Variants in RNF14 observed in about 807,000 individuals in gnomAD.
The protein encoded by RNF14 is ring finger protein 14.
In RNF14, 26 loss-of-function variants were observed where a neutral mutation model predicts 52.6. The ratio of observed to expected loss-of-function variants is 0.49; its 90% CI spans 0.36 to 0.69. The LOEUF (loss-of-function observed/expected upper bound fraction) is 0.69, where lower values mean the gene tolerates loss of function less well. Ranked by LOEUF, RNF14 falls within the 30% of genes least tolerant of loss-of-function variation. The pLI, the probability that RNF14 is intolerant of heterozygous loss-of-function variation, is 0.00. For missense variants in RNF14, 404 were observed against 560.4 expected (o/e 0.72, Z 2.82); for synonymous variants, 194 against 202.0 (o/e 0.96, Z 0.34).
the RNF14 span, chr5:141,951,482 G>T: frequency 6.2e-7 from 1 of 1,610,234 alleles, no homozygotes; most frequent in Non-Finnish European, 8.5e-7. Flanking sequence ...TGGGGGCTAC[G>T]TGCTGCTTAC....
chr5:141,951,606 A>G, the RNF14 span: 1 of 1,593,798 alleles, frequency 6.3e-7, no homozygotes, highest in Admixed American at 1.7e-5. Flanking sequence ...AGACAGGAAA[A>G]ATCTGTTGAC....
rs1317478538 is a variant in RNF14, at chr5:141,987,750, A to C, written c.1385A>C (p.Asp462Ala). 6.2e-7 allele frequency: 1 copy of C among 1,613,902 alleles called. No individual in the cohort carries two copies. Among genetic ancestry groups the C allele is most frequent in the African/African-American group, 1.3e-5 (1 of 74,926 alleles). ...GCTTCCAGGCTGTTTTATGCTGTGG[A>C]TGTTGACGACGATATTTGGGAAGAT... is the stretch of plus-strand genomic sequence containing the variant. ...PCFNRLFYAV[D>A]VDDDIWEDEV... The change falls in exon 9 of 9, where the codon GAT becomes GCT. Residue 462 changes from aspartate to alanine, a missense_variant. Transcript: ENST00000394520.
Position 141,989,206 on chromosome 5 carries a change from T to C in RNF14, c.*1416T>C, listed in dbSNP as rs1361039699. ...TAATTAGAACAGAGTTGCTGCTATT[T>C]GTTCTGTCACCAAGGCAACTAATCA... On this transcript the variant is annotated 3_prime_UTR_variant, in exon 9 of 9. Coordinates refer to ENST00000394520, the MANE Select transcript of RNF14 (RefSeq NM_004290.5). 1 of 152,326 alleles carries C rather than the reference T, an allele frequency of 6.6e-6. No individual in the cohort carries two copies. The highest frequency in any genetic ancestry group is 1.9e-4 in the East Asian group (1 of 5,342). 9.4% of individuals were successfully genotyped at this position (152,326 alleles called of 1,614,324 possible).
upstream of RNF14, chr5:141,957,152 C>T (rs1054991303): frequency 1.1e-5 from 17 of 1,614,044 alleles, no homozygotes; most frequent in African/African-American, 5.3e-5. This position sits in a 1 kb window ranked among gnomAD's most constrained non-coding sequence, Gnocchi z 4.3. Flanking sequence ...GAGTCCAAGA[C>T]GTTGACCTTG....
At chr5:141,953,826 G>A (rs182706989), upstream of RNF14, among the ~76,000 whole-genome samples, 1 of 152,362 alleles carries the variant, frequency 6.6e-6, no homozygotes, top group East Asian at 1.9e-4. Flanking sequence ...GTGGCTTCCT[G>A]AGGAGGGAAT....
the RNF14 span, chr5:141,949,653 A>C: frequency 6.5e-7 from 1 of 1,545,088 alleles, no homozygotes; most frequent in African/African-American, 1.4e-5. Context: ...ATGCCCATTC[A>C]TGTTTGCATT....
rs775211771 is a variant in RNF14, at chr5:141,978,421, C to T, written c.425C>T (p.Ser142Phe). Residue 142 changes from serine (S) to phenylalanine (F), a missense_variant, in exon 5 of 9, where the codon TCT becomes TTT. Transcript: ENST00000394520. The stretch of plus-strand genomic sequence containing the variant: ...ACCCTAGCATACTTGAATATTGTCT[C>T]TCCTTTTGAGCTCAAGATTGGTTCT... ...EETLAYLNIV[S>F]PFELKIGSQK... is the part of the protein sequence containing the mutation. 6.2e-7 allele frequency: 1 copy of T among 1,614,212 alleles called. No individual in the cohort carries two copies. The highest frequency in any genetic ancestry group is 1.7e-5 in the Admixed American group (1 of 60,020).
At chr5:141,953,121 C>T in the RNF14 span, 1 of 152,242 alleles carries the variant, frequency 6.6e-6, no homozygotes, top group African/African-American at 2.4e-5. Context: ...ATGCCAAGCC[C>T]TATGCTGAGC....
chr5:141,978,318 A>C lies in RNF14; in HGVS notation c.322A>C (p.Lys108Gln). 1 of 1,601,426 alleles carries C rather than the reference A, an allele frequency of 6.2e-7. No homozygotes were observed. Among genetic ancestry groups the C allele is most frequent in the Non-Finnish European group, 8.5e-7 (1 of 1,172,292 alleles). The change falls in exon 5 of 9, where the codon AAG (lysine) becomes CAG (glutamine). Residue 108 changes from lysine (K) to glutamine (Q), a missense_variant. Coordinates refer to ENST00000394520, the MANE Select transcript of RNF14 (RefSeq NM_004290.5). Reference sequence around the variant, plus strand: ...TTTCTCCTAGCTATCTGCTCTATGCAAGCACTTAGACAACCTATGGGAAGA... The same window carrying C: ...TTTCTCCTAGCTATCTGCTCTATGCCAGCACTTAGACAACCTATGGGAAGA... ...LSPTQLSALC[K>Q]HLDNLWEEHR...
Position 141,970,771 on chromosome 5 carries a change from T to C in RNF14, c.-113T>C, listed in dbSNP as rs1185409894. 6.6e-6 allele frequency: 1 copy of C among 152,362 alleles called. No homozygotes were observed. Among genetic ancestry groups the C allele is most frequent in the East Asian group, 1.9e-4 (1 of 5,334 alleles). The allele number at this position is 152,362 out of a possible 1,614,324, so 9.4% of individuals were successfully genotyped here. On this transcript the variant is annotated 5_prime_UTR_variant, in exon 2 of 9. Transcript: ENST00000394520. ...TTGGCCTCTTACCCAGCTTCAGCAGTCTCAGCTCCACCAGTTAGAGAATAA... is the reference window on the plus strand; with the variant it reads ...TTGGCCTCTTACCCAGCTTCAGCAGCCTCAGCTCCACCAGTTAGAGAATAA...
upstream of RNF14, among the ~76,000 whole-genome samples, chr5:141,953,996 C>G (rs918879476): frequency 1.3e-5 from 2 of 152,178 alleles, no homozygotes; most frequent in African/African-American, 2.4e-5. Flanking sequence ...AAAGGTTTCC[C>G]CACTTGTGTC....
rs750947038 is a variant in RNF14 at position 141,980,166 on chromosome 5, G to A, written c.878G>A (p.Arg293His). ...VEAELFARYD[R>H]LLLQSSLDLM... Reference sequence around the variant, plus strand: ...GCAGAGTTATTTGCCCGTTATGACCGCCTTCTCCTCCAGTCCTCCTTGGAC... The same window carrying A: ...GCAGAGTTATTTGCCCGTTATGACCACCTTCTCCTCCAGTCCTCCTTGGAC... Residue 293 changes from arginine to histidine, a missense_variant, in exon 6 of 9, where the codon CGC becomes CAC. By Grantham distance (29) the Arg-to-His change is conservative (BLOSUM62 0). Transcript: ENST00000394520. The A allele has an allele frequency of 3.7e-6, 6 of 1,614,040 alleles. No individual in the cohort carries two copies. Among genetic ancestry groups the A allele is most frequent in the East Asian group, 2.2e-5 (1 of 44,882 alleles).
chr5:141,967,371 CATGA>C (rs963567106), upstream of RNF14, among the ~76,000 whole-genome samples: 2 of 152,224 alleles, frequency 1.3e-5, no homozygotes, highest in African/African-American at 4.8e-5. Context: ...TATTTGATTA[CATGA>C]GTAAGTTCTT....
chr5:141,949,403 G>A, the RNF14 span: 1 of 1,595,914 alleles, frequency 6.3e-7, no homozygotes, highest in South Asian at 1.1e-5. Context: ...GGCAGAAGCA[G>A]GGTCAAGGTA....
At chr5:141,967,686 A>G (rs896414515), upstream of RNF14, among the ~76,000 whole-genome samples, 1 of 152,298 alleles carries the variant, frequency 6.6e-6, no homozygotes, top group Admixed American at 6.5e-5. Context: ...ACTCTTTTGG[A>G]GGAAGAAATA....
In RNF14 at chr5:141,983,499, G is replaced by A. The variant is rs747011186; in HGVS notation, c.1183G>A (p.Glu395Lys). 16 of 1,612,724 alleles carry A rather than the reference G, an allele frequency of 9.9e-6. No homozygotes were observed. The South Asian group carries it at 1.3e-4, about 13-fold the overall frequency. Residue 395 changes from glutamate (E) to lysine (K), a missense_variant, in exon 7 of 9, where the codon GAG becomes AAG. Glu to Lys is a moderately conservative substitution (Grantham distance 56). Coordinates refer to ENST00000394520, the MANE Select transcript of RNF14 (RefSeq NM_004290.5). ...QKALEEMESKEWLEKNSKSCP... is the reference protein window; with the variant it reads ...QKALEEMESKKWLEKNSKSCP... The stretch of plus-strand genomic sequence containing the variant: ...GGCACTGGAAGAGATGGAAAGTAAG[G>A]AGTGGCTAGAGAAGAACTCAAAGAG...
At position 141,972,054 on chromosome 5, in the gene RNF14, C is replaced by G. The variant is rs150509025; in HGVS notation, c.-7+1177C>G. 9.6e-3 allele frequency among the ~76,000 whole-genome samples: 1,463 copies of G among 152,228 alleles called. 16 individuals carry two copies. The highest frequency in any genetic ancestry group is 0.028 in the African/African-American group (1,164 of 41,526). On this transcript the variant is annotated intron_variant, in intron 2 of 8. Coordinates refer to ENST00000394520, the MANE Select transcript of RNF14 (RefSeq NM_004290.5). ...TAATGGTGAATCTTTAAATTGGTGA[C>G]TGCTTGGATTTGACAAAATCTATTA... is the stretch of plus-strand genomic sequence containing the variant.
intron 7 of RNF14, among the ~76,000 whole-genome samples, 163 bp downstream of exon 7, chr5:141,983,715 G>A (rs975993306): frequency 2.0e-5 from 3 of 151,870 alleles, no homozygotes; most frequent in African/African-American, 4.8e-5. Context: ...TCTTGTTATC[G>A]ACCTTAAATG....
chr5:141,955,229 G>C, upstream of RNF14: 7 of 1,614,212 alleles, frequency 4.3e-6, no homozygotes, highest in Non-Finnish European at 8.5e-7. This position sits in a 1 kb window ranked among gnomAD's most constrained non-coding sequence, Gnocchi z 5.5. Flanking sequence ...CTGGAACGTG[G>C]CTGGCCTGTG....
Sources: allele counts gnomAD v4.1 joint callset (sites outside exome capture counted in the v4.1 genomes callset), GRCh38; gene constraint gnomAD v4.1.1; non-coding constraint Gnocchi (gnomAD v3.1); transcripts MANE v1.5; gene names NCBI Gene and HGNC (gene_info 2026-07-23, HGNC 2026-07-21).